GRM1: variants seen among roughly 807,000 people sequenced by gnomAD.
GRM1 encodes metabotropic glutamate receptor 1.
Under a neutral mutation model 90.9 loss-of-function variants are expected in GRM1, and 33 were observed. The observed-to-expected ratio is 0.36, with a 90% confidence interval of 0.28 to 0.49. GRM1 has a LOEUF of 0.49. GRM1 is among the 20% of genes least tolerant of loss of function. The pLI, the probability that GRM1 is intolerant of heterozygous loss-of-function variation, is 0.99. For synonymous variants in GRM1, 700 were observed against 613.2 expected (o/e 1.14, Z -2.09); for missense variants, 1,190 against 1,534.3 (o/e 0.78, Z 3.75).
intron 1 of GRM1, among the ~76,000 whole-genome samples, chr6:146,065,369 C>T (rs930214179): frequency 3.3e-5 from 5 of 152,124 alleles, no homozygotes; most frequent in South Asian, 2.1e-4. Flanking sequence ...AGTTTCTGAA[C>T]GCAGGTGGCC....
chr6:146,135,137 T>C (rs1216327295), intron 1 of GRM1, among the ~76,000 whole-genome samples: 3 of 152,182 alleles, frequency 2.0e-5, no homozygotes, highest in African/African-American at 7.2e-5. Context: ...TATTTAATTC[T>C]TAATGATAAC....
chr6:146,259,142 G>A (rs1242622649), intron 2 of GRM1, among the ~76,000 whole-genome samples: 2 of 151,978 alleles, frequency 1.3e-5, no homozygotes, highest in African/African-American at 2.4e-5. Context: ...CCTAGAGAAC[G>A]CTTTCCCTTC....
At chr6:146,122,839 C>CTTTTTT (rs57859188) in intron 1 of GRM1, among the ~76,000 whole-genome samples, 14 of 62,204 alleles carry the variant, frequency 2.3e-4, no homozygotes, top group South Asian at 8.7e-4. Context: ...TCTTTTCTTT[C>CTTTTTT]TTTTTTTTTT....
At chr6:146,148,184 C>T (rs1777182469) in intron 1 of GRM1, among the ~76,000 whole-genome samples, 3 of 152,124 alleles carry the variant, frequency 2.0e-5, no homozygotes, top group Admixed American at 1.3e-4. Context: ...CTGTGCTTGG[C>T]ATGGCATTCA....
At chr6:146,328,580 C>T (rs1174031696) in intron 3 of GRM1, among the ~76,000 whole-genome samples, 1 of 152,142 alleles carries the variant, frequency 6.6e-6, no homozygotes, top group Non-Finnish European at 1.5e-5. Context: ...ATACTCTTTA[C>T]CTCTTTATAT....
At chr6:146,286,446 G>T (rs1304307481) in intron 2 of GRM1, among the ~76,000 whole-genome samples, 1 of 152,064 alleles carries the variant, frequency 6.6e-6, no homozygotes, top group Admixed American at 6.6e-5. Flanking sequence ...AGATTAGATT[G>T]GATTTAGATA....
chr6:146,270,795 C>G (rs1281532004), intron 2 of GRM1, among the ~76,000 whole-genome samples: 1 of 151,906 alleles, frequency 6.6e-6, no homozygotes, highest in Non-Finnish European at 1.5e-5. Context: ...TAATATTGTA[C>G]CCACTAAAGA....
chr6:146,399,263 G>C lies in GRM1; in HGVS notation c.2224G>C (p.Val742Leu). ...TCTGTCCTACCCAAGTATCAAGGAA[G>C]TCTACCTTATCTGCAATACCAGCAA... ...PILSYPSIKEVYLICNTSNLG... is the reference protein window; with the variant it reads ...PILSYPSIKELYLICNTSNLG... The change falls in exon 7 of 8, where the codon GTC becomes CTC. Residue 742 changes from valine to leucine, a missense_variant. Physicochemically the swap from Val to Leu is conservative, Grantham distance 32. This residue lies in a region of GRM1 where 414 missense variants were observed against 598.4 expected (regional missense o/e 0.69). Coordinates refer to ENST00000282753, the MANE Select transcript of GRM1 (RefSeq NM_001278064.2). The surrounding 1 kb of genome is among the most constrained non-coding windows in gnomAD (Gnocchi z 5.4). 6.2e-7 allele frequency: 1 copy of C among 1,614,108 alleles called. No individual in the cohort carries two copies. Among genetic ancestry groups the C allele is most frequent in the Non-Finnish European group, 8.5e-7 (1 of 1,180,030 alleles).
intron 1 of GRM1, among the ~76,000 whole-genome samples, chr6:146,147,280 G>A (rs1282859279): frequency 6.6e-6 from 1 of 152,194 alleles, no homozygotes; most frequent in Non-Finnish European, 1.5e-5. Flanking sequence ...AGAGCCATAG[G>A]CTTTAGAGTC....
chr6:146,399,521 G>A lies in GRM1; in HGVS notation c.2482G>A (p.Gly828Arg). ...GAGTCTCAGTGTAACAGTGGCTCTG[G>A]GGTGCATGTTCACTCCCAAGATGTA... ...AVSLSVTVALGCMFTPKMYII... is the reference protein window; with the variant it reads ...AVSLSVTVALRCMFTPKMYII... The change falls in exon 7 of 8, where the codon GGG becomes AGG. Residue 828 changes from glycine to arginine, a missense_variant. This residue lies in a region of GRM1 where 73 missense variants were observed against 150.6 expected (regional missense o/e 0.48). Coordinates refer to ENST00000282753, the MANE Select transcript of GRM1 (RefSeq NM_001278064.2). The surrounding 1 kb of genome is among the most constrained non-coding windows in gnomAD (Gnocchi z 5.4). The A allele has an allele frequency of 6.2e-7, 1 of 1,614,118 alleles. No individual in the cohort carries two copies. Among genetic ancestry groups the A allele is most frequent in the Non-Finnish European group, 8.5e-7 (1 of 1,179,988 alleles).
At chr6:146,367,692 G>A (rs771680197) in intron 5 of GRM1, among the ~76,000 whole-genome samples, 3 of 152,120 alleles carry the variant, frequency 2.0e-5, no homozygotes, top group Non-Finnish European at 4.4e-5. Flanking sequence ...TCCTGAATTA[G>A]TTTGCTTAGG....
chr6:146,364,066 G>A (rs362910), intron 5 of GRM1, among the ~76,000 whole-genome samples: 182 of 152,300 alleles, frequency 1.2e-3, no homozygotes, highest in Admixed American at 0.011. Flanking sequence ...CTCATCTGCT[G>A]ATTTGCTTCT....
At position 146,140,113 on chromosome 6, in the gene GRM1, C is replaced by CTTTCTTTCTTTCTTTCTT. The variant is rs1554272187; in HGVS notation, c.701-19233_701-19216dup. ...TTATTCTTTCTTTCTTTCTTTCTTT[C>CTTTCTTTCTTTCTTTCTT]TTTCTTTCTTTCTTTCTTTCTTTCT... On this transcript the variant is annotated intron_variant, in intron 1 of 7. Coordinates refer to ENST00000282753, the MANE Select transcript of GRM1 (RefSeq NM_001278064.2). 6.0e-4 allele frequency among the ~76,000 whole-genome samples: 70 copies of CTTTCTTTCTTTCTTTCTT among 116,084 alleles called. 1 individual carries two copies. Among genetic ancestry groups the CTTTCTTTCTTTCTTTCTT allele is most frequent in the Non-Finnish European group, 5.3e-4 (30 of 56,994 alleles). The allele number at this position is 116,084 out of a possible 152,430, so 76.2% of individuals were successfully genotyped here. A position where few individuals can be genotyped will look rare whatever the true frequency, so the allele number is the denominator to read the frequency against.
intron 7 of GRM1, among the ~76,000 whole-genome samples, chr6:146,427,485 G>A (rs1778252495): frequency 6.6e-6 from 1 of 152,066 alleles, no homozygotes; most frequent in South Asian, 2.1e-4. Context: ...GGCTTGAATA[G>A]CTCTTCAGAT....
At chr6:146,370,082 C>A (rs1296697267) in intron 5 of GRM1, among the ~76,000 whole-genome samples, 1 of 152,016 alleles carries the variant, frequency 6.6e-6, no homozygotes, top group African/African-American at 2.4e-5. Flanking sequence ...AAATAGCCTG[C>A]TTTGTCTCTC....
intron 5 of GRM1, among the ~76,000 whole-genome samples, chr6:146,361,641 G>A (rs1428310676): frequency 6.6e-6 from 1 of 152,034 alleles, no homozygotes; most frequent in East Asian, 1.9e-4. Context: ...TCCTTAAAAG[G>A]ACCCTTTTAA....
intron 1 of GRM1, among the ~76,000 whole-genome samples, chr6:146,101,334 T>G (rs527614371): frequency 1.3e-5 from 2 of 152,324 alleles, no homozygotes; most frequent in Non-Finnish European, 2.9e-5. Context: ...TAGACTTTGC[T>G]TATCATTTCT....
intron 2 of GRM1, among the ~76,000 whole-genome samples, chr6:146,228,412 A>G (rs1029594533): frequency 6.6e-6 from 1 of 152,174 alleles, no homozygotes; most frequent in African/African-American, 2.4e-5. Flanking sequence ...TTATATTATA[A>G]CAACCTGTTA....
intron 1 of GRM1, among the ~76,000 whole-genome samples, chr6:146,132,323 G>T (rs773954978): frequency 1.3e-5 from 2 of 152,128 alleles, no homozygotes; most frequent in Non-Finnish European, 2.9e-5. Flanking sequence ...CAATAGTCAA[G>T]GAGCGAGCCA....
Sources: gnomAD v4.1 joint callset for allele counts (sites outside exome capture counted in the v4.1 genomes callset) on GRCh38, gnomAD v4.1.1 for gene constraint, gnomAD v4.1.1 regional missense constraint, Gnocchi (gnomAD v3.1) non-coding constraint, MANE v1.5 for transcripts, NCBI Gene and HGNC (gene_info 2026-07-23, HGNC 2026-07-21) for gene names.